The following MCPH1 variants were observed in gnomAD, a reference collection of about 807,000 sequenced individuals.
MCPH1 encodes the protein microcephalin 1, also known as microcephalin.
Under a neutral mutation model 84.5 loss-of-function variants are expected in MCPH1, and 104 were observed. The observed-to-expected ratio is 1.23, with a 90% CI of 1.05 to 1.45. The LOEUF is 1.45. Ranked by LOEUF, MCPH1 falls within the 40% of genes most tolerant of loss-of-function variation. The probability of loss-of-function intolerance (pLI) is 0.00; values close to 1 mark genes in which losing one functional copy is unlikely to be tolerated. For synonymous variants in MCPH1, 514 were observed against 366.8 expected (o/e 1.40, Z -4.58); for missense variants, 1,498 against 1,005.7 (o/e 1.49, Z -6.62).
At chr8:6,578,017 C>T (rs551076801) in intron 12 of MCPH1, among the ~76,000 whole-genome samples, 77 of 152,312 alleles carry the variant, frequency 5.1e-4, no homozygotes, top group Non-Finnish European at 7.9e-4. Context: ...GAATTTGAAG[C>T]GAGGAGTTTT....
chr8:6,434,314 C>G (rs912514570), intron 4 of MCPH1, among the ~76,000 whole-genome samples: 2 of 152,132 alleles, frequency 1.3e-5, no homozygotes, highest in Admixed American at 1.3e-4. Context: ...TCTATATGAA[C>G]CAGCCCCACT....
intron 12 of MCPH1, among the ~76,000 whole-genome samples, chr8:6,533,790 G>A (rs565979943): frequency 6.2e-4 from 95 of 152,102 alleles, no homozygotes; most frequent in African/African-American, 2.1e-3. Flanking sequence ...GAAACCATTC[G>A]TGGAGTCAGT....
At chr8:6,536,785 A>G (rs1820582340) in intron 12 of MCPH1, among the ~76,000 whole-genome samples, 1 of 152,190 alleles carries the variant, frequency 6.6e-6, no homozygotes. Context: ...CCACTTGGAT[A>G]GACAGACCTT....
At chr8:6,557,744 T>A (rs887406534) in intron 12 of MCPH1, among the ~76,000 whole-genome samples, 3 of 151,376 alleles carry the variant, frequency 2.0e-5, no homozygotes, top group Non-Finnish European at 4.4e-5. Context: ...GATAGAATGG[T>A]TTGCCTGCTG....
intron 3 of MCPH1, among the ~76,000 whole-genome samples, chr8:6,427,062 C>T (rs985149715): frequency 1.3e-5 from 2 of 152,178 alleles, no homozygotes; most frequent in African/African-American, 4.8e-5. Context: ...CCTGTTGCTC[C>T]TAGGCATAAA....
In MCPH1 at chr8:6,424,608, G is replaced by A. The variant is rs534370024; in HGVS notation, c.234-6891G>A. Among the ~76,000 whole-genome samples the A allele has an allele frequency of 3.9e-5, 6 of 152,296 alleles. No individual in the cohort carries two copies. In the South Asian group the frequency reaches 1.0e-3, roughly 26 times the overall value. ...GTTTAAGGTCACTGACCAGTGATAGGAACGTCCCTCAGTTTGGAACGGTCT... is the reference window on the plus strand; with the variant it reads ...GTTTAAGGTCACTGACCAGTGATAGAAACGTCCCTCAGTTTGGAACGGTCT... On this transcript the variant is annotated intron_variant, in intron 3 of 13. Coordinates refer to ENST00000344683, the MANE Select transcript of MCPH1 (RefSeq NM_024596.5).
At chr8:6,447,583 A>T (rs2442507) in intron 8 of MCPH1, among the ~76,000 whole-genome samples, 107,114 of 152,194 alleles carry the variant, frequency 0.7, 40,608 homozygotes, top group Non-Finnish European at 0.83. Flanking sequence ...ATAGTCTCGC[A>T]CTTGACGCCC....
At chr8:6,460,410 C>G (rs1357071992) in intron 9 of MCPH1, among the ~76,000 whole-genome samples, 1 of 151,768 alleles carries the variant, frequency 6.6e-6, no homozygotes, top group African/African-American at 2.4e-5. Flanking sequence ...AGATGGGGGT[C>G]TCTCCACGTT....
At chr8:6,494,361 G>A (rs1230665100) in intron 11 of MCPH1, 1 of 152,156 alleles carries the variant, frequency 6.6e-6, no homozygotes, top group African/African-American at 2.4e-5. Context: ...TGTAAACCTT[G>A]ATATGGGCAT....
At position 6,541,963 on chromosome 8, in the gene MCPH1, G is replaced by A. The variant is rs187922500; in HGVS notation, c.2214+42034G>A. ...GTTGAGGCTGCAGTGAGCCGTGATC[G>A]TGCCACTGCACTCCAGCCTGGGTGA... is the stretch of plus-strand genomic sequence containing the variant. On this transcript the variant is annotated intron_variant, in intron 12 of 13. Coordinates refer to ENST00000344683, the MANE Select transcript of MCPH1 (RefSeq NM_024596.5). 1.2e-4 allele frequency among the ~76,000 whole-genome samples: 18 copies of A among 150,234 alleles called. No homozygotes were observed. The East Asian group carries it at 3.3e-3, about 28-fold the overall frequency.
chr8:6,510,443 T>C (rs1050124948), intron 12 of MCPH1, among the ~76,000 whole-genome samples: 1 of 152,212 alleles, frequency 6.6e-6, no homozygotes, highest in African/African-American at 2.4e-5. Flanking sequence ...CACATTGGAA[T>C]AATATAATTT....
chr8:6,623,688 CAAAAAAAAAAAAAAAA>C lies in MCPH1; in HGVS notation c.2452+2012_2452+2027del, dbSNP rs377522481. ...CATCTTTTGCCTGGAAACCAACTTC[CAAAAAAAAAAAAAAAA>C]AAAAAAAAAAAAAACTATTGATTTT... On this transcript the variant is annotated intron_variant, in intron 13 of 13. Coordinates refer to ENST00000344683, the MANE Select transcript of MCPH1 (RefSeq NM_024596.5). Among the ~76,000 whole-genome samples the C allele has an allele frequency of 1.8e-3, 168 of 92,390 alleles. 3 individuals carry two copies. Among genetic ancestry groups the C allele is most frequent in the Admixed American group, 8.1e-3 (57 of 7,062 alleles). The allele number at this position is 92,390 out of a possible 152,430, so 60.6% of individuals were successfully genotyped here. A position where few individuals can be genotyped will look rare whatever the true frequency, so the allele number is the denominator to read the frequency against.
intron 11 of MCPH1, among the ~76,000 whole-genome samples, chr8:6,496,654 G>A (rs1466136879): frequency 6.6e-6 from 1 of 152,068 alleles, no homozygotes; most frequent in East Asian, 1.9e-4. Flanking sequence ...GATAAGGCTG[G>A]CTATTTAGAA....
chr8:6,589,487 T>C (rs1202894452), intron 12 of MCPH1, among the ~76,000 whole-genome samples: 3 of 152,210 alleles, frequency 2.0e-5, no homozygotes, highest in African/African-American at 7.2e-5. Context: ...TGCATTGCTC[T>C]GCATGTCACT....
intron 12 of MCPH1, among the ~76,000 whole-genome samples, chr8:6,610,202 G>A (rs534925675): frequency 1.3e-5 from 2 of 152,328 alleles, no homozygotes; most frequent in South Asian, 4.1e-4. Flanking sequence ...AGATGCAGAT[G>A]TGTGGGGCTG....
chr8:6,551,265 AT>A (rs1020561255), intron 12 of MCPH1, among the ~76,000 whole-genome samples: 2 of 151,898 alleles, frequency 1.3e-5, no homozygotes, highest in African/African-American at 4.8e-5. Context: ...GAGACTGTTT[AT>A]TTTAGTGGTA....
chr8:6,634,120 T>TAG (rs1329533815), intron 13 of MCPH1, among the ~76,000 whole-genome samples: 3 of 151,990 alleles, frequency 2.0e-5, no homozygotes, highest in Admixed American at 2.0e-4. Flanking sequence ...AAGATGTGAA[T>TAG]AGTGTATTGA....
chr8:6,493,796 C>T (rs1810930076), intron 11 of MCPH1, among the ~76,000 whole-genome samples: 2 of 152,158 alleles, frequency 1.3e-5, no homozygotes, highest in African/African-American at 2.4e-5. Context: ...ATGTTAGTCA[C>T]ATGGAACATT....
intron 12 of MCPH1, among the ~76,000 whole-genome samples, chr8:6,569,062 G>C (rs1484813413): frequency 1.3e-5 from 2 of 152,182 alleles, no homozygotes; most frequent in Non-Finnish European, 2.9e-5. Flanking sequence ...ATCCAAATCA[G>C]TCAACATGTT....
Sources: gnomAD v4.1 joint callset for allele counts (sites outside exome capture counted in the v4.1 genomes callset) on GRCh38, gnomAD v4.1.1 for gene constraint, MANE v1.5 for transcripts, NCBI Gene and HGNC (gene_info 2026-07-23, HGNC 2026-07-21) for gene names.